OR51B5: variants seen among roughly 807,000 people sequenced by gnomAD.
OR51B5 encodes the protein olfactory receptor 51B5.
For synonymous variants in OR51B5, 186 were observed against 144.8 expected (o/e 1.28, Z -2.04); for missense variants, 456 against 374.6 (o/e 1.22, Z -1.79).
rs563257626 is a variant in OR51B5, at chr11:5,504,269, C to T, written n.84+1300G>A. ...TTTGGATAACTTTCTCCTTAACTGC[C>T]GTCTACTTTCCTAGCTAATTGTTAT... On this transcript the variant is annotated intron_variant and non_coding_transcript_variant, in intron 1 of 4. Coordinates refer to the OR51B5 transcript ENST00000415970. Among the ~76,000 whole-genome samples, 36 of 152,252 alleles carry T rather than the reference C, an allele frequency of 2.4e-4. 1 individual carries two copies. Among genetic ancestry groups the T allele is most frequent in the African/African-American group, 8.4e-4 (35 of 41,556 alleles).
rs116535306 is a variant in OR51B5 at position 5,389,416 on chromosome 11, G to T, written n.85-42506C>A. ...CCCGAGGAATGTCAGTCCAATATTC[G>T]CTCAGTCCTCAATTCATGCTGCTAT... On this transcript the variant is annotated intron_variant and non_coding_transcript_variant, in intron 1 of 4. Transcript: ENST00000415970. The T allele has an allele frequency of 2.0e-3, 3,248 of 1,613,058 alleles. 41 individuals are homozygous for T. In the African/African-American group the frequency reaches 0.036, roughly 18 times the overall value.
chr11:5,443,952 A>G (rs1299011588), intron 1 of OR51B5, among the ~76,000 whole-genome samples: 3 of 152,040 alleles, frequency 2.0e-5, no homozygotes, highest in Non-Finnish European at 4.4e-5. Context: ...TATAGGCACT[A>G]TCTCATACCC....
At chr11:5,415,660 A>C (rs1564806211) in intron 1 of OR51B5, among the ~76,000 whole-genome samples, 2 of 152,202 alleles carry the variant, frequency 1.3e-5, no homozygotes, top group South Asian at 4.1e-4. Flanking sequence ...CTATGCAAAT[A>C]AACTAGAAAA....
At chr11:5,395,768 T>G (rs375094952) in intron 1 of OR51B5, among the ~76,000 whole-genome samples, 2 of 152,194 alleles carry the variant, frequency 1.3e-5, no homozygotes, top group Non-Finnish European at 2.9e-5. Flanking sequence ...CAAAGCCATA[T>G]GGAAGGATTG....
chr11:5,402,304 T>A (rs1286960246), intron 1 of OR51B5, among the ~76,000 whole-genome samples: 1 of 152,164 alleles, frequency 6.6e-6, no homozygotes, highest in East Asian at 1.9e-4. Flanking sequence ...CATGAGCCAC[T>A]GCACCTGATC....
intron 1 of OR51B5, among the ~76,000 whole-genome samples, chr11:5,423,831 T>C (rs12291806): frequency 0.14 from 21,258 of 152,222 alleles, 1,825 homozygotes; most frequent in Non-Finnish European, 0.19. Context: ...CTTTTCACAG[T>C]TCCTACCTTG....
In OR51B5 at chr11:5,368,668, A is replaced by G. The variant is rs371857682; in HGVS notation, n.85-21758T>C. Among the ~76,000 whole-genome samples, 179 of 152,326 alleles carry G rather than the reference A, an allele frequency of 1.2e-3. 2 individuals are homozygous for G. The highest frequency in any genetic ancestry group is 4.1e-3 in the African/African-American group (169 of 41,570). On this transcript the variant is annotated intron_variant and non_coding_transcript_variant, in intron 1 of 4. Transcript: ENST00000415970. ...TCACATGCATCCTGTGAGAAAGCAGAGCATAGTAGAGGTTTCAGTTTTATC... is the reference window on the plus strand; with the variant it reads ...TCACATGCATCCTGTGAGAAAGCAGGGCATAGTAGAGGTTTCAGTTTTATC...
chr11:5,357,461 C>A (rs1252557234), intron 1 of OR51B5, among the ~76,000 whole-genome samples: 1 of 152,000 alleles, frequency 6.6e-6, no homozygotes, highest in East Asian at 1.9e-4. Flanking sequence ...TACAGGAACA[C>A]CCAGGTTCAT....
At chr11:5,460,646 C>T (rs974357680) in intron 1 of OR51B5, among the ~76,000 whole-genome samples, 8 of 152,154 alleles carry the variant, frequency 5.3e-5, no homozygotes, top group East Asian at 1.9e-4. Context: ...GTAGGTAAGA[C>T]GACACTCTGG....
chr11:5,456,875 C>T (rs1476794285), intron 1 of OR51B5, among the ~76,000 whole-genome samples: 2 of 152,100 alleles, frequency 1.3e-5, no homozygotes, highest in African/African-American at 4.8e-5. Flanking sequence ...TGAGTGAGTT[C>T]TCATGAAGTC....
At chr11:5,343,393 A>T (rs957861990) in exon 1 of OR51B5, 1 of 1,614,016 alleles carries the variant, frequency 6.2e-7, no homozygotes, top group Admixed American at 1.7e-5. Flanking sequence ...TAATGAGAAG[A>T]AGGAGGGTGC....
intron 1 of OR51B5, among the ~76,000 whole-genome samples, chr11:5,483,467 C>G (rs1406925686): frequency 7.1e-6 from 1 of 141,436 alleles, no homozygotes; most frequent in Admixed American, 7.3e-5. Context: ...TGTAACTAAC[C>G]TGCACAACGT....
At chr11:5,424,461 G>A (rs1850411907) in intron 1 of OR51B5, among the ~76,000 whole-genome samples, 1 of 152,218 alleles carries the variant, frequency 6.6e-6, no homozygotes, top group South Asian at 2.1e-4. Context: ...ACAGGAAGAG[G>A]AGAGGCCAGG....
intron 1 of OR51B5, among the ~76,000 whole-genome samples, chr11:5,490,827 T>C (rs959042986): frequency 3.9e-5 from 6 of 152,202 alleles, no homozygotes; most frequent in African/African-American, 1.4e-4. Flanking sequence ...CCCTCAGCAT[T>C]AGTGAAGTGT....
At chr11:5,393,875 C>T (rs1323806203) in intron 1 of OR51B5, among the ~76,000 whole-genome samples, 2 of 152,010 alleles carry the variant, frequency 1.3e-5, no homozygotes, top group East Asian at 1.9e-4. Flanking sequence ...TTTCTTAAAC[C>T]ATTATGCTGG....
chr11:5,359,988 T>A (rs910831970), intron 1 of OR51B5, among the ~76,000 whole-genome samples: 3 of 152,208 alleles, frequency 2.0e-5, no homozygotes, highest in African/African-American at 7.2e-5. Context: ...TATACAAAAA[T>A]TAATTCAAGA....
intron 1 of OR51B5, among the ~76,000 whole-genome samples, chr11:5,416,092 T>C (rs963032668): frequency 1.3e-5 from 2 of 149,674 alleles, no homozygotes; most frequent in African/African-American, 4.9e-5. Flanking sequence ...TCAAGTGGGC[T>C]TCATCCCTGG....
intron 1 of OR51B5, among the ~76,000 whole-genome samples, chr11:5,459,692 A>G (rs901467270): frequency 3.9e-5 from 6 of 152,234 alleles, no homozygotes; most frequent in Non-Finnish European, 8.8e-5. Flanking sequence ...GCCATCTCCC[A>G]TCAGTCTAAA....
chr11:5,373,357 G>C (rs1849472341), intron 1 of OR51B5, among the ~76,000 whole-genome samples: 1 of 152,146 alleles, frequency 6.6e-6, no homozygotes, highest in Non-Finnish European at 1.5e-5. Flanking sequence ...AGCCAAGATG[G>C]CCAAATAGGA....
Sources: allele counts gnomAD v4.1 joint callset (sites outside exome capture counted in the v4.1 genomes callset), GRCh38; gene constraint gnomAD v4.1.1; transcripts MANE v1.5; gene names NCBI Gene and HGNC (gene_info 2026-07-23, HGNC 2026-07-21).